The following ABCD3 variants were observed in gnomAD, a reference collection of about 807,000 sequenced individuals.
The protein encoded by ABCD3 is ATP binding cassette subfamily D member 3.
Under a neutral mutation model 105.5 loss-of-function variants are expected in ABCD3, and 41 were observed. The ratio of observed to expected loss-of-function variants is 0.39; its 90% CI spans 0.30 to 0.50. ABCD3 has a LOEUF of 0.50. Among genes scored for constraint, ABCD3 ranks in the 20% least tolerant of loss-of-function variants. The pLI is 0.84. For missense variants in ABCD3, 622 were observed against 806.3 expected (o/e 0.77, Z 2.77); for synonymous variants, 258 against 269.0 (o/e 0.96, Z 0.40).
chr1:94,491,032 G>T (rs931948353), intron 15 of ABCD3, 152 bp from the exon 16 acceptor site: 6 of 590,870 alleles, frequency 1.0e-5, no homozygotes, highest in African/African-American at 3.8e-5. Context: ...GCACCTTTTC[G>T]TATGCCTGTT....
At chr1:94,387,082 AT>A in the ABCD3 span, among the ~76,000 whole-genome samples, 2 of 152,204 alleles carry the variant, frequency 1.3e-5, no homozygotes, top group East Asian at 3.9e-4. Flanking sequence ...ATTTTGGAAC[AT>A]TTTTTCTATG....
intron 1 of ABCD3, among the ~76,000 whole-genome samples, chr1:94,444,331 CAAAAAAAAAAA>C (rs35583952): frequency 1.1e-5 from 1 of 93,436 alleles, no homozygotes; most frequent in Non-Finnish European, 2.0e-5. Flanking sequence ...GACTCCATCT[CAAAAAAAAAAA>C]AAAAAAAAAA....
intron 1 of ABCD3, among the ~76,000 whole-genome samples, chr1:94,453,492 G>C (rs1300224198): frequency 6.6e-6 from 1 of 151,810 alleles, no homozygotes. Flanking sequence ...CTAATTTTTT[G>C]TATTTTTAGT....
intron 22 of ABCD3, 103 bp from the exon 23 acceptor site, chr1:94,516,949 A>C (rs1650946709): frequency 1.3e-5 from 11 of 835,354 alleles, no homozygotes; most frequent in Non-Finnish European, 1.9e-5. Flanking sequence ...TTATAGATTT[A>C]GCTCCCTTAA....
rs542941267 is a variant in ABCD3 at position 94,467,188 on chromosome 1, T to C, written c.247-731T>C. 3.2e-4 allele frequency among the ~76,000 whole-genome samples: 48 copies of C among 152,338 alleles called. 1 individual carries two copies. Among genetic ancestry groups the C allele is most frequent in the Middle Eastern group, 3.4e-3 (1 of 294 alleles). Reference sequence around the variant, plus strand: ...AAACTCAGTACAGTACCATAGTTCATATGATTTTAATCCCTTTTTTCCCCC... The same window carrying C: ...AAACTCAGTACAGTACCATAGTTCACATGATTTTAATCCCTTTTTTCCCCC... On this transcript the variant is annotated intron_variant, in intron 3 of 22. Transcript: ENST00000370214.
chr1:94,471,067 G>A (rs890508812), intron 4 of ABCD3, among the ~76,000 whole-genome samples: 1 of 152,174 alleles, frequency 6.6e-6, no homozygotes, highest in Non-Finnish European at 1.5e-5. Context: ...AGAAGCTGGA[G>A]TTGAGAGCTT....
At chr1:94,451,097 T>TA (rs1275413829) in intron 1 of ABCD3, among the ~76,000 whole-genome samples, 2 of 152,230 alleles carry the variant, frequency 1.3e-5, no homozygotes, top group African/African-American at 4.8e-5. Flanking sequence ...AGATCAATGT[T>TA]ACTTTTTGGT....
intron 21 of ABCD3, among the ~76,000 whole-genome samples, chr1:94,508,222 T>A (rs1412886840): frequency 6.6e-6 from 1 of 152,214 alleles, no homozygotes; most frequent in African/African-American, 2.4e-5. Flanking sequence ...CTAGCCAGTT[T>A]TCCCAGCACC....
At chr1:94,458,945 C>G (rs1221985132) in intron 2 of ABCD3, among the ~76,000 whole-genome samples, 1 of 140,644 alleles carries the variant, frequency 7.1e-6, no homozygotes, top group Non-Finnish European at 1.5e-5. Context: ...TCCCCCCTCC[C>G]TTCCCCTCCC....
At chr1:94,458,759 C>A in intron 2 of ABCD3, 116 bp downstream of exon 2, 1 of 959,066 alleles carries the variant, frequency 1.0e-6, no homozygotes, top group Non-Finnish European at 1.6e-6. Flanking sequence ...AAAAATACTC[C>A]AGTCTTCTAC....
At chr1:94,458,756 C>A in intron 2 of ABCD3, 113 bp downstream of exon 2, 3 of 1,004,412 alleles carry the variant, frequency 3.0e-6, no homozygotes, top group Non-Finnish European at 3.1e-6. Context: ...CTTAAAAATA[C>A]TCCAGTCTTC....
intron 7 of ABCD3, among the ~76,000 whole-genome samples, chr1:94,477,227 C>CAAAAAAAAAAAAAAAAA: frequency 2.3e-5 from 1 of 44,294 alleles, no homozygotes; most frequent in Non-Finnish European, 3.8e-5. Flanking sequence ...ACTTATAAGG[C>CAAAAAAAAAAAAAAAAA]AAAAAAAAAA....
chr1:94,474,149 C>T (rs1648618543), intron 5 of ABCD3, among the ~76,000 whole-genome samples: 1 of 145,830 alleles, frequency 6.9e-6, no homozygotes, highest in African/African-American at 2.6e-5. Context: ...CATCAATGAC[C>T]ATTAGATAGC....
the ABCD3 span, among the ~76,000 whole-genome samples, chr1:94,408,325 G>A: frequency 3.3e-5 from 5 of 152,060 alleles, no homozygotes; most frequent in African/African-American, 1.2e-4. Context: ...GCTCATGCCT[G>A]TCATTCCAGC....
intron 14 of ABCD3, 38 bp from the exon 15 acceptor site, chr1:94,489,865 A>G: frequency 6.2e-7 from 1 of 1,611,850 alleles, no homozygotes; most frequent in Non-Finnish European, 8.5e-7. Flanking sequence ...GTGTTTGCTG[A>G]CATAATATGA....
chr1:94,513,121 A>T (rs140058377), intron 21 of ABCD3, among the ~76,000 whole-genome samples: 1 of 152,114 alleles, frequency 6.6e-6, no homozygotes, highest in South Asian at 2.1e-4. Context: ...TTGTAGAAAG[A>T]TTTTAACTAC....
At chr1:94,487,869 A>G (rs1371204690) in intron 12 of ABCD3, 23 bp from the exon 13 acceptor site, 1 of 1,607,902 alleles carries the variant, frequency 6.2e-7, no homozygotes, top group African/African-American at 1.3e-5. Flanking sequence ...ATAAGTAAAA[A>G]CTAATATTTA....
intron 12 of ABCD3, 45 bp from the exon 13 acceptor site, chr1:94,487,847 A>T (rs758300424): frequency 3.7e-6 from 6 of 1,608,076 alleles, no homozygotes; most frequent in Non-Finnish European, 5.1e-6. Context: ...CCAAATTTTT[A>T]GTCATAGAAC....
chr1:94,464,985 G>A, intron 3 of ABCD3, 112 bp downstream of exon 3: 1 of 922,268 alleles, frequency 1.1e-6, no homozygotes, highest in South Asian at 1.4e-5. Context: ...GGATCTGCAG[G>A]CTGTACAAGC....
Sources: allele counts gnomAD v4.1 joint callset (sites outside exome capture counted in the v4.1 genomes callset), GRCh38; gene constraint gnomAD v4.1.1; transcripts MANE v1.5; gene names NCBI Gene and HGNC (gene_info 2026-07-23, HGNC 2026-07-21).